Variants in TBXAS1 observed in about 807,000 individuals in gnomAD.
TBXAS1 encodes the protein thromboxane-A synthase.
Under a neutral mutation model 60.7 loss-of-function variants are expected in TBXAS1, and 48 were observed. The ratio of observed to expected loss-of-function variants is 0.79; its 90% confidence interval spans 0.63 to 1.01. TBXAS1 has a LOEUF of 1.01. Ranked by LOEUF, TBXAS1 falls within the 50% of genes least tolerant of loss-of-function variation. TBXAS1 has a pLI of 0.00. For synonymous variants in TBXAS1, 287 were observed against 269.7 expected (o/e 1.06, Z -0.63); for missense variants, 685 against 686.3 (o/e 1.00, Z 0.02).
intron 3 of TBXAS1, among the ~76,000 whole-genome samples, chr7:139,887,900 A>T (rs769276399): frequency 6.6e-6 from 1 of 152,170 alleles, no homozygotes; most frequent in Non-Finnish European, 1.5e-5. Context: ...ATCTTATAGC[A>T]ATGCTTTGTT....
At chr7:139,827,595 A>G (rs1052852730), upstream of TBXAS1, among the ~76,000 whole-genome samples, 9 of 152,136 alleles carry the variant, frequency 5.9e-5, no homozygotes, top group African/African-American at 2.2e-4. Flanking sequence ...TTATGCTTTA[A>G]AGAGGTTCTG....
chr7:139,824,310 A>G (rs1798379831), upstream of TBXAS1, among the ~76,000 whole-genome samples: 1 of 152,202 alleles, frequency 6.6e-6, no homozygotes, highest in South Asian at 2.1e-4. Flanking sequence ...ATGGCTCGAG[A>G]CGGAAAGTCG....
At chr7:139,991,237 G>A (rs1812876728) in intron 9 of TBXAS1, among the ~76,000 whole-genome samples, 1 of 152,126 alleles carries the variant, frequency 6.6e-6, no homozygotes. Flanking sequence ...TTTGAAAATT[G>A]CTTCAGCATA....
chr7:140,004,374 A>G lies in TBXAS1; in HGVS notation c.1135-2717A>G, dbSNP rs932316374. On this transcript the variant is annotated intron_variant, in intron 9 of 12. Transcript: ENST00000448866. This position sits in a 1 kb window ranked among gnomAD's most constrained non-coding sequence, Gnocchi z 5.1. ...TGTTGTTCTAAGTAAAGAAAACTCA[A>G]TGTTAAATTATTAGCAAGCATTTTA... Among the ~76,000 whole-genome samples, 3 of 152,230 alleles carry G rather than the reference A, an allele frequency of 2.0e-5. No homozygotes were observed. Among genetic ancestry groups the G allele is most frequent in the Non-Finnish European group, 2.9e-5 (2 of 68,048 alleles).
At chr7:139,904,812 G>T (rs548535841) in intron 3 of TBXAS1, among the ~76,000 whole-genome samples, 1 of 152,182 alleles carries the variant, frequency 6.6e-6, no homozygotes, top group Non-Finnish European at 1.5e-5. Flanking sequence ...TGGAAACTTT[G>T]CTGAATTTTT....
intron 3 of TBXAS1, among the ~76,000 whole-genome samples, chr7:139,909,948 A>G (rs1805390446): frequency 6.6e-6 from 1 of 152,090 alleles, no homozygotes; most frequent in African/African-American, 2.4e-5. Context: ...CCCTGGCTCA[A>G]CTGCTCTAGC....
At chr7:139,861,087 T>C (rs1394602015) in intron 1 of TBXAS1, among the ~76,000 whole-genome samples, 1 of 151,696 alleles carries the variant, frequency 6.6e-6, no homozygotes, top group African/African-American at 2.4e-5. Flanking sequence ...GGCAGGAGAA[T>C]TGCTTGAGCC....
At chr7:139,900,365 G>T (rs1009003238) in intron 3 of TBXAS1, among the ~76,000 whole-genome samples, 1 of 152,094 alleles carries the variant, frequency 6.6e-6, no homozygotes, top group Non-Finnish European at 1.5e-5. Flanking sequence ...GGATGAACCC[G>T]GATCCCACCT....
intron 1 of TBXAS1, among the ~76,000 whole-genome samples, chr7:139,836,012 C>T (rs1249377979): frequency 6.6e-6 from 1 of 150,898 alleles, no homozygotes; most frequent in Non-Finnish European, 1.5e-5. Context: ...ATCAAGAAGT[C>T]AACCCCTTTT....
chr7:139,918,053 T>G (rs1806142038), intron 4 of TBXAS1, among the ~76,000 whole-genome samples: 1 of 152,230 alleles, frequency 6.6e-6, no homozygotes, highest in Non-Finnish European at 1.5e-5. Context: ...GACTAAGTCC[T>G]GATCCTCCCT....
chr7:139,801,300 A>G (rs1289138327), intron 4 of TBXAS1, among the ~76,000 whole-genome samples: 1 of 152,238 alleles, frequency 6.6e-6, no homozygotes, highest in Non-Finnish European at 1.5e-5. Flanking sequence ...CTAACATATG[A>G]TGAGCTTTGA....
intron 4 of TBXAS1, among the ~76,000 whole-genome samples, chr7:139,915,562 G>T (rs779094205): frequency 6.6e-5 from 10 of 152,174 alleles, no homozygotes; most frequent in Non-Finnish European, 1.2e-4. Context: ...ACAAATTCAG[G>T]CTTGAGTTAC....
intron 5 of TBXAS1, chr7:139,952,454 A>T (rs1809487870): frequency 7.3e-7 from 1 of 1,369,190 alleles, no homozygotes; most frequent in Non-Finnish European, 9.7e-7. Context: ...GTCTTTCATG[A>T]GAAATGCTCA....
intron 5 of TBXAS1, among the ~76,000 whole-genome samples, chr7:139,951,771 T>TA (rs1274181886): frequency 1.8e-4 from 14 of 78,902 alleles, no homozygotes; most frequent in African/African-American, 5.3e-4. Flanking sequence ...AGACTCTGTC[T>TA]AAAAAAAAAA....
chr7:139,892,852 C>A (rs1418658285), intron 3 of TBXAS1, among the ~76,000 whole-genome samples: 1 of 152,088 alleles, frequency 6.6e-6, no homozygotes, highest in Non-Finnish European at 1.5e-5. Flanking sequence ...GAGTCCTGCA[C>A]ATGGGTCCTC....
intron 9 of TBXAS1, among the ~76,000 whole-genome samples, chr7:140,005,609 C>T (rs1814016658): frequency 1.3e-5 from 2 of 152,068 alleles, no homozygotes; most frequent in African/African-American, 4.8e-5. Context: ...TAGAACCGTT[C>T]CCAGAAATGC....
At position 139,927,269 on chromosome 7, in the gene TBXAS1, C is replaced by T. The variant is rs114580682; in HGVS notation, c.334-8922C>T. On this transcript the variant is annotated intron_variant, in intron 4 of 12. Coordinates refer to ENST00000448866, the MANE Select transcript of TBXAS1 (RefSeq NM_001061.7). Reference sequence around the variant, plus strand: ...TGCCTCAGCCAAAGTCCTGGGATTACAGGCATGAAAATAGACACACTTTTG... The same window carrying T: ...TGCCTCAGCCAAAGTCCTGGGATTATAGGCATGAAAATAGACACACTTTTG... 3.7e-3 allele frequency among the ~76,000 whole-genome samples: 557 copies of T among 151,778 alleles called. 4 individuals are homozygous for T. The highest frequency in any genetic ancestry group is 0.013 in the African/African-American group (525 of 41,372).
intron 10 of TBXAS1, among the ~76,000 whole-genome samples, chr7:140,007,966 G>T (rs898042372): frequency 6.6e-6 from 1 of 152,126 alleles, no homozygotes; most frequent in Non-Finnish European, 1.5e-5. Context: ...ATAGAGAAGG[G>T]CATCTTAATT....
intron 4 of TBXAS1, among the ~76,000 whole-genome samples, chr7:139,925,701 T>C (rs1451574519): frequency 2.6e-5 from 4 of 152,214 alleles, no homozygotes; most frequent in Non-Finnish European, 4.4e-5. Context: ...GTGGTGAAAG[T>C]GGGCATCCTT....
Sources: allele counts gnomAD v4.1 joint callset (sites outside exome capture counted in the v4.1 genomes callset), GRCh38; gene constraint gnomAD v4.1.1; non-coding constraint Gnocchi (gnomAD v3.1); transcripts MANE v1.5; gene names NCBI Gene and HGNC (gene_info 2026-07-23, HGNC 2026-07-21).